EXOC6B: variants seen among roughly 807,000 people sequenced by gnomAD.
The protein encoded by EXOC6B is SEC15 homolog B.
A neutral mutation model predicts 113.5 loss-of-function variants in EXOC6B; 54 were observed. The observed-to-expected ratio is 0.48, with a 90% CI of 0.38 to 0.60. EXOC6B has a LOEUF of 0.60. Among genes scored for constraint, EXOC6B ranks in the 20% least tolerant of loss-of-function variants. EXOC6B has a pLI of 0.00. For synonymous variants in EXOC6B, 357 were observed against 339.0 expected, an observed-to-expected ratio of 1.05 and a Z score of -0.58; for missense variants, 797 against 977.5, an observed-to-expected ratio of 0.82 and a Z score of 2.46.
chr2:72,673,701 T>C (rs932056386), intron 6 of EXOC6B, among the ~76,000 whole-genome samples: 2 of 151,422 alleles, frequency 1.3e-5, no homozygotes, highest in African/African-American at 4.8e-5. Context: ...TCTTTTACCT[T>C]ACCTTAGTCA....
In EXOC6B at chr2:72,249,544, G is replaced by A. The variant is rs185614838; in HGVS notation, c.2197-65357C>T. On this transcript the variant is annotated intron_variant, in intron 20 of 21. Coordinates refer to ENST00000272427, the MANE Select transcript of EXOC6B (RefSeq NM_015189.3). ...AACAGTTTCTTGGCACTGAATTCTA[G>A]GAAAGAAATTTTTTTGCATGAATTC... Among the ~76,000 whole-genome samples the A allele has an allele frequency of 3.3e-3, 496 of 151,612 alleles. 2 individuals are homozygous for A. The highest frequency in any genetic ancestry group is 0.011 in the African/African-American group (470 of 41,360).
At position 72,553,834 on chromosome 2, in the gene EXOC6B, A is replaced by G. The variant is rs1703378236; in HGVS notation, c.915+5619T>C. ...CTAACTTGTTATAATATGTCTGAAC[A>G]GGATCTAGTTTGAGGCACTAAAAAG... On this transcript the variant is annotated intron_variant, in intron 8 of 21. Coordinates refer to ENST00000272427, the MANE Select transcript of EXOC6B (RefSeq NM_015189.3). Among the ~76,000 whole-genome samples the G allele has an allele frequency of 1.3e-5, 2 of 152,330 alleles. 1 individual carries two copies. The highest frequency in any genetic ancestry group is 3.9e-4 in the East Asian group (2 of 5,190).
Position 72,671,793 on chromosome 2 carries a change from AAG to A in EXOC6B, c.669+46308_669+46309del, listed in dbSNP as rs757119507. ...AAAGAAAGAAAGAAAGAAAGAAAGA[AAG>A]AAAGAAAGAAAGAAAGAAAGAAAGA... On this transcript the variant is annotated intron_variant, in intron 6 of 21. Transcript: ENST00000272427. 1.9e-3 allele frequency among the ~76,000 whole-genome samples: 259 copies of A among 134,314 alleles called. 3 individuals are homozygous for A. Among genetic ancestry groups the A allele is most frequent in the Admixed American group, 5.8e-3 (80 of 13,714 alleles). 88.1% of individuals were successfully genotyped at this position (134,314 alleles called of 152,430 possible). A position where few individuals can be genotyped will look rare whatever the true frequency, so the allele number is the denominator to read the frequency against.
At chr2:72,260,759 C>A (rs1044489853) in intron 20 of EXOC6B, among the ~76,000 whole-genome samples, 3 of 152,114 alleles carry the variant, frequency 2.0e-5, no homozygotes, top group Admixed American at 6.6e-5. Context: ...GATATTCCCA[C>A]ATGCAAGAGG....
At chr2:72,188,553 C>T (rs1279044660) in intron 20 of EXOC6B, among the ~76,000 whole-genome samples, 8 of 152,140 alleles carry the variant, frequency 5.3e-5, no homozygotes, top group Non-Finnish European at 2.9e-5. Flanking sequence ...CACACTTCTA[C>T]TGGATTCCAT....
At chr2:72,617,804 C>T (rs966092702) in intron 6 of EXOC6B, among the ~76,000 whole-genome samples, 3 of 151,932 alleles carry the variant, frequency 2.0e-5, no homozygotes, top group Non-Finnish European at 4.4e-5. Context: ...CTTGAGCCAC[C>T]GCGCCCGGCC....
rs971994504 is a variant in EXOC6B, at chr2:72,278,883, G to T, written c.2196+56064C>A. Reference sequence around the variant, plus strand: ...AATTGCCACAATTTTGAATACTGAGGCAATTTGTATTTAATATCCACAAGG... The same window carrying T: ...AATTGCCACAATTTTGAATACTGAGTCAATTTGTATTTAATATCCACAAGG... On this transcript the variant is annotated intron_variant, in intron 20 of 21. Coordinates refer to ENST00000272427, the MANE Select transcript of EXOC6B (RefSeq NM_015189.3). Among the ~76,000 whole-genome samples the T allele has an allele frequency of 3.3e-5, 5 of 152,118 alleles. No individual in the cohort carries two copies. In the South Asian group the frequency reaches 1.0e-3, roughly 32 times the overall value.
intron 8 of EXOC6B, among the ~76,000 whole-genome samples, chr2:72,528,672 C>G (rs1275974559): frequency 1.3e-5 from 2 of 152,032 alleles, no homozygotes; most frequent in Non-Finnish European, 2.9e-5. Context: ...TCCACAAACA[C>G]AGTATGTCCC....
At chr2:72,586,406 C>A (rs1053790216) in intron 6 of EXOC6B, among the ~76,000 whole-genome samples, 1 of 152,014 alleles carries the variant, frequency 6.6e-6, no homozygotes, top group Admixed American at 6.6e-5. Flanking sequence ...AAACAAATAA[C>A]CCCATTAAAA....
At chr2:72,372,254 C>T (rs1691073219) in intron 19 of EXOC6B, among the ~76,000 whole-genome samples, 1 of 152,102 alleles carries the variant, frequency 6.6e-6, no homozygotes, top group Non-Finnish European at 1.5e-5. Flanking sequence ...CCAAAGCAAT[C>T]TATAGGTTCA....
intron 8 of EXOC6B, among the ~76,000 whole-genome samples, chr2:72,558,542 G>A (rs538123568): frequency 2.0e-5 from 3 of 152,036 alleles, no homozygotes; most frequent in Admixed American, 6.6e-5. Flanking sequence ...AGACCCAGAC[G>A]GTGGATGACC....
intron 18 of EXOC6B, among the ~76,000 whole-genome samples, chr2:72,424,481 C>T (rs1695091369): frequency 6.6e-6 from 1 of 151,924 alleles, no homozygotes; most frequent in African/African-American, 2.4e-5. Flanking sequence ...TTCTTCATTT[C>T]CCCAACTAAT....
At chr2:72,390,578 C>T (rs957293827) in intron 18 of EXOC6B, among the ~76,000 whole-genome samples, 4 of 152,254 alleles carry the variant, frequency 2.6e-5, no homozygotes, top group African/African-American at 4.8e-5. Context: ...AAGTTACTCC[C>T]GGATCAGTGT....
chr2:72,656,291 T>C (rs1288148511), intron 6 of EXOC6B, among the ~76,000 whole-genome samples: 3 of 152,234 alleles, frequency 2.0e-5, no homozygotes, highest in African/African-American at 7.2e-5. Context: ...AATTGTTCAA[T>C]AAATGAGAAA....
intron 20 of EXOC6B, among the ~76,000 whole-genome samples, chr2:72,310,432 C>A (rs1687117673): frequency 6.6e-6 from 1 of 152,080 alleles, no homozygotes; most frequent in African/African-American, 2.4e-5. Context: ...CATTTGCATG[C>A]TTTCCTTGAA....
intron 1 of EXOC6B, among the ~76,000 whole-genome samples, chr2:72,819,404 T>A (rs1308013518): frequency 6.6e-6 from 1 of 152,138 alleles, no homozygotes; most frequent in African/African-American, 2.4e-5. Flanking sequence ...AAAATAAGCA[T>A]GAGCAATGGG....
At chr2:72,718,419 T>G (rs1679778008) in intron 5 of EXOC6B, 112 bp from the exon 6 acceptor site, 1 of 667,724 alleles carries the variant, frequency 1.5e-6, no homozygotes, top group South Asian at 2.9e-5. Flanking sequence ...GCATGAAGTT[T>G]TAATGAGAAC....
At chr2:72,198,296 G>A (rs2104319236) in intron 20 of EXOC6B, among the ~76,000 whole-genome samples, 1 of 152,218 alleles carries the variant, frequency 6.6e-6, no homozygotes, top group African/African-American at 2.4e-5. Context: ...AAGCATTAAG[G>A]GCCTGCTCTC....
intron 20 of EXOC6B, among the ~76,000 whole-genome samples, chr2:72,223,217 T>C (rs1262533389): frequency 6.7e-6 from 1 of 148,582 alleles, no homozygotes; most frequent in Non-Finnish European, 1.5e-5. Context: ...AGACCACTAC[T>C]CAGAAAATAC....
Sources: allele counts gnomAD v4.1 joint callset (sites outside exome capture counted in the v4.1 genomes callset), GRCh38; gene constraint gnomAD v4.1.1; transcripts MANE v1.5; gene names NCBI Gene and HGNC (gene_info 2026-07-23, HGNC 2026-07-21).